The following SYVN1 variants were observed in gnomAD, a reference collection of about 807,000 sequenced individuals.
The protein encoded by SYVN1 is E3 ubiquitin-protein ligase synoviolin.
A neutral mutation model predicts 62.6 loss-of-function variants in SYVN1; 17 were observed. The ratio of observed to expected loss-of-function variants is 0.27; its 90% CI spans 0.19 to 0.41. The LOEUF (loss-of-function observed/expected upper bound fraction) is 0.41. Among genes scored for constraint, SYVN1 ranks in the 10% least tolerant of loss-of-function variants. SYVN1 has a pLI of 1.00. For synonymous variants in SYVN1, 316 were observed against 304.0 expected (o/e 1.04, Z -0.41); for missense variants, 634 against 818.0 (o/e 0.78, Z 2.74).
chr11:65,133,552 G>A lies in SYVN1; in HGVS notation c.50C>T (p.Ala17Val), dbSNP rs1044019725. 6.2e-7 allele frequency: 1 copy of A among 1,612,770 alleles called. No individual in the cohort carries two copies. The highest frequency in any genetic ancestry group is 1.3e-5 in the African/African-American group (1 of 74,930). The change falls in exon 2 of 16, where the codon GCT becomes GTT. Residue 17 changes from alanine to valine, a missense_variant. This residue lies in a region of SYVN1 where 283 missense variants were observed against 444.7 expected (regional missense o/e 0.64). Transcript: ENST00000377190. The part of the protein sequence containing the change: ...MMAASLALTG[A>V]VVAHAYYLKH... ...GAGGTAGTAGGCGTGAGCCACCACAGCCCCGGTCAGCGCCAGGCTGGCCGC... is the reference window on the plus strand; with the variant it reads ...GAGGTAGTAGGCGTGAGCCACCACAACCCCGGTCAGCGCCAGGCTGGCCGC...
chr11:65,128,663 T>C lies in SYVN1; in HGVS notation c.1647A>G (p.Thr549=). ...SVNSTEETAT[T]VVAAASSTSI... ...TGGTGGAGGAGGCAGCAGCAACAAC[T>C]GTAGTGGCAGTCTCCTCAGTGGAGT... is the stretch of plus-strand genomic sequence containing the variant. Residue 549 remains threonine, a synonymous_variant, in exon 15 of 16, where the codon ACA becomes ACG. Coordinates refer to ENST00000377190, the MANE Select transcript of SYVN1 (RefSeq NM_172230.3). 2 of 1,613,776 alleles carry C rather than the reference T, an allele frequency of 1.2e-6. No individual in the cohort carries two copies. The highest frequency in any genetic ancestry group is 1.7e-6 in the Non-Finnish European group (2 of 1,179,852).
At chr11:65,129,647 G>T in intron 14 of SYVN1, 82 bp downstream of exon 14, 1 of 1,423,158 alleles carries the variant, frequency 7.0e-7, no homozygotes, top group Non-Finnish European at 9.8e-7. Flanking sequence ...GGTGTCAAAG[G>T]CCAAGAACCA....
At chr11:65,134,187 A>T (rs1371726486) in intron 1 of SYVN1, 1 of 148,100 alleles carries the variant, frequency 6.8e-6, no homozygotes, top group African/African-American at 2.7e-5. Context: ...GAGCACCACA[A>T]AAACAGCGGG....
At chr11:65,133,788 A>C (rs1948212261) in intron 1 of SYVN1, among the ~76,000 whole-genome samples, 170 bp from the exon 2 acceptor site, 1 of 152,232 alleles carries the variant, frequency 6.6e-6, no homozygotes, top group Non-Finnish European at 1.5e-5. Flanking sequence ...TTAGACTCGA[A>C]GGGGTTAAGT....
Position 65,131,490 on chromosome 11 carries a change from A to G in SYVN1, c.638T>C (p.Leu213Pro). 1.9e-6 allele frequency: 3 copies of G among 1,614,076 alleles called. No individual in the cohort carries two copies. Among genetic ancestry groups the G allele is most frequent in the Non-Finnish European group, 2.5e-6 (3 of 1,179,984 alleles). ...NPWDNKAVYM[L>P]YTELFTGFIK... ...CTCACCTGTAAACAGCTCTGTGTAG[A>G]GCATGTACACAGCCTTGTTGTCCCA... The change falls in exon 7 of 16, where the codon CTC becomes CCC. Residue 213 changes from leucine to proline, a missense_variant. By Grantham distance (98) the Leu-to-Pro change is moderately conservative. Around this residue, in one of 2 missense-constraint regions of SYVN1, gnomAD observed 283 missense variants for 444.7 expected, o/e 0.64. Coordinates refer to ENST00000377190, the MANE Select transcript of SYVN1 (RefSeq NM_172230.3).
chr11:65,130,705 G>A lies in SYVN1; in HGVS notation c.1060C>T (p.Pro354Ser). 9 of 1,501,278 alleles carry A rather than the reference G, an allele frequency of 6.0e-6. No homozygotes were observed. The highest frequency in any genetic ancestry group is 8.0e-6 in the Non-Finnish European group (9 of 1,128,460). 93.0% of individuals were successfully genotyped at this position (1,501,278 alleles called of 1,614,324 possible). Residue 354 changes from proline (P) to serine (S), a missense_variant, in exon 11 of 16, where the codon CCC becomes TCC. Pro to Ser is a moderately conservative substitution (Grantham distance 74, BLOSUM62 -1). Transcript: ENST00000377190. ...AGTGGTGGGGGGTGGGGGGCAGGGGGTGGCCCCTGATCCGCAGGCTCCGGG... is the reference window on the plus strand; with the variant it reads ...AGTGGTGGGGGGTGGGGGGCAGGGGATGGCCCCTGATCCGCAGGCTCCGGG... ...PPPEPADQGP[P>S]PAPHPPPLLP...
At position 65,130,061 on chromosome 11, in the gene SYVN1, G is replaced by A. The variant is rs765719172; in HGVS notation, c.1349C>T (p.Pro450Leu). Residue 450 changes from proline (P) to leucine (L), a missense_variant, in exon 13 of 16, where the codon CCT becomes CTT. Pro to Leu is a moderately conservative substitution (Grantham distance 98). This residue lies in a region of SYVN1 where 351 missense variants were observed against 373.3 expected (regional missense o/e 0.94). Transcript: ENST00000377190. ...AGGAGGGAAGGGGAAACCAGGGGCA[G>A]GGCCAGCCTCTGGGGCAGAGCCAGA... is the stretch of plus-strand genomic sequence containing the variant. ...PGSGSAPEAG[P>L]APGFPFPPPW... 32 of 1,607,136 alleles carry A rather than the reference G, an allele frequency of 2.0e-5. No individual in the cohort carries two copies. The highest frequency in any genetic ancestry group is 2.6e-5 in the Non-Finnish European group (30 of 1,176,266).
intron 5 of SYVN1, 174 bp downstream of exon 5, chr11:65,132,558 G>C: frequency 2.3e-6 from 2 of 867,236 alleles, no homozygotes; most frequent in Admixed American, 4.4e-5. Flanking sequence ...AGAAGGCAAA[G>C]GGCTGAGGGC....
At position 65,130,162 on chromosome 11, in the gene SYVN1, C is replaced by G. The variant is rs764707295; in HGVS notation, c.1248G>C (p.Arg416=). 7.4e-5 allele frequency: 118 copies of G among 1,604,938 alleles called. No homozygotes were observed. Among genetic ancestry groups the G allele is most frequent in the Non-Finnish European group, 9.9e-5 (116 of 1,175,198 alleles). ...PPSTSAAALS[R]PSGAATTTAA... is the part of the protein sequence containing the mutation. ...CTGTGGTTGTAGCTGCTCCACTGGG[C>G]CGAGAAAGGGCTGCTGAAGAGCAGG... The change falls in exon 13 of 16, where the codon CGG becomes CGC. Residue 416 remains arginine (R), a synonymous_variant. Coordinates refer to ENST00000377190, the MANE Select transcript of SYVN1 (RefSeq NM_172230.3).
In SYVN1 at chr11:65,128,360, C is replaced by T. The variant is rs1948128234; in HGVS notation, c.*22G>A. On this transcript the variant is annotated 3_prime_UTR_variant, in exon 16 of 16. Transcript: ENST00000377190. Reference sequence around the variant, plus strand: ...CGAGGGCTGCTCAAAAGAGCAGAGGCTGGGGCTGGGCTGGGGCAGTGTCAG... The same window carrying T: ...CGAGGGCTGCTCAAAAGAGCAGAGGTTGGGGCTGGGCTGGGGCAGTGTCAG... The T allele has an allele frequency of 6.3e-7, 1 of 1,596,796 alleles. No individual in the cohort carries two copies. The highest frequency in any genetic ancestry group is 1.7e-5 in the Admixed American group (1 of 58,872).
At chr11:65,132,169 G>A in intron 6 of SYVN1, 79 bp downstream of exon 6, 3 of 1,146,224 alleles carry the variant, frequency 2.6e-6, no homozygotes, top group Non-Finnish European at 4.0e-6. Flanking sequence ...CAGGTGCTGA[G>A]GAAGGGTCTG....
At chr11:65,131,219 G>A (rs779824574) in intron 8 of SYVN1, 22 bp from the exon 9 acceptor site, 18 of 1,613,932 alleles carry the variant, frequency 1.1e-5, no homozygotes, top group African/African-American at 2.7e-5. Context: ...GTCAGTGAAA[G>A]CAGGAGAAGG....
intron 5 of SYVN1, 27 bp from the exon 6 acceptor site, chr11:65,132,378 T>A: frequency 6.5e-7 from 1 of 1,534,910 alleles, no homozygotes; most frequent in African/African-American, 1.4e-5. Context: ...ACATGCAGGG[T>A]GGGGGGGTCA....
intron 10 of SYVN1, 39 bp from the exon 11 acceptor site, chr11:65,130,862 G>A (rs199793049): frequency 6.2e-7 from 1 of 1,607,690 alleles, no homozygotes; most frequent in Middle Eastern, 1.7e-4. Flanking sequence ...CAGGTCCCTA[G>A]GGGCCTGCCT....
chr11:65,129,020 C>T (rs1362746770), intron 14 of SYVN1: 1 of 330,320 alleles, frequency 3.0e-6, no homozygotes, highest in Non-Finnish European at 5.6e-6. Context: ...CAATAAGCCA[C>T]AGTGCTCGAG....
chr11:65,133,317 T>C lies in SYVN1; in HGVS notation c.133-65A>G, dbSNP rs1252239381. 4 of 1,588,634 alleles carry C rather than the reference T, an allele frequency of 2.5e-6. No individual in the cohort carries two copies. In the Admixed American group the frequency reaches 6.7e-5, roughly 27 times the overall value. On this transcript the variant is annotated intron_variant, in intron 2 of 15. Coordinates refer to ENST00000377190, the MANE Select transcript of SYVN1 (RefSeq NM_172230.3). ...GCTTTCCTCTCCTTGGGACTCATCA[T>C]GCAGGATCCTCCACATCCTCATCAC...
At position 65,130,036 on chromosome 11, in the gene SYVN1, A is replaced by C; in HGVS notation, c.1374T>G (p.Pro458=). The change falls in exon 13 of 16, where the codon CCT becomes CCG. Residue 458 remains proline, a synonymous_variant. Coordinates refer to ENST00000377190, the MANE Select transcript of SYVN1 (RefSeq NM_172230.3). ...AGPAPGFPFP[P]PWMGMPLPPP... is the part of the protein sequence containing the mutation. Reference sequence around the variant, plus strand: ...GAGGCAGGGGCATACCCATCCAGGGAGGAGGGAAGGGGAAACCAGGGGCAG... The same window carrying C: ...GAGGCAGGGGCATACCCATCCAGGGCGGAGGGAAGGGGAAACCAGGGGCAG... 6.2e-7 allele frequency: 1 copy of C among 1,602,242 alleles called. No individual in the cohort carries two copies. Among genetic ancestry groups the C allele is most frequent in the Non-Finnish European group, 8.5e-7 (1 of 1,173,282 alleles).
At position 65,130,651 on chromosome 11, in the gene SYVN1, G is replaced by A. The variant is rs774758455; in HGVS notation, c.1105+9C>T. On this transcript the variant is annotated intron_variant, in intron 11 of 15. Transcript: ENST00000377190. Reference sequence around the variant, plus strand: ...GGTATGCCGGGTGGCCAGACAAGGGGATACTCACAGTTGGGGGGCTGAGGC... The same window carrying A: ...GGTATGCCGGGTGGCCAGACAAGGGAATACTCACAGTTGGGGGGCTGAGGC... The A allele has an allele frequency of 2.8e-5, 36 of 1,298,312 alleles. No individual in the cohort carries two copies. The highest frequency in any genetic ancestry group is 3.6e-5 in the Non-Finnish European group (36 of 1,003,376). The allele number at this position is 1,298,312 out of a possible 1,614,324, so 80.4% of individuals were successfully genotyped here. A position where few individuals can be genotyped will look rare whatever the true frequency, so the allele number is the denominator to read the frequency against.
rs1948115357 is a variant in SYVN1 at position 65,127,471 on chromosome 11, G to C, written c.*911C>G. 6.1e-6 allele frequency: 1 copy of C among 165,186 alleles called. No individual in the cohort carries two copies. The highest frequency in any genetic ancestry group is 1.7e-4 in the East Asian group (1 of 6,016). 10.2% of individuals were successfully genotyped at this position (165,186 alleles called of 1,614,324 possible). On this transcript the variant is annotated 3_prime_UTR_variant, in exon 16 of 16. Coordinates refer to ENST00000377190, the MANE Select transcript of SYVN1 (RefSeq NM_172230.3). The stretch of plus-strand genomic sequence containing the variant: ...TTGGCACAGAGCCTTTTCTAAACTG[G>C]AAAGACCAGGAGTCTGGCACTCCTG...
Sources: allele counts gnomAD v4.1 joint callset (sites outside exome capture counted in the v4.1 genomes callset), GRCh38; gene constraint gnomAD v4.1.1; regional missense constraint gnomAD v4.1.1; transcripts MANE v1.5; gene names NCBI Gene and HGNC (gene_info 2026-07-23, HGNC 2026-07-21).